Variants in PWWP2B observed in about 807,000 individuals in gnomAD.
PWWP2B encodes PWWP domain-containing protein 2B.
In PWWP2B, 9 loss-of-function variants were observed where a neutral mutation model predicts 15.5. That is an observed-to-expected ratio of 0.58 (90% CI 0.35 to 1.02). The LOEUF (loss-of-function observed/expected upper bound fraction) is 1.02. Ranked by LOEUF, PWWP2B falls within the 50% of genes least tolerant of loss-of-function variation. The probability of loss-of-function intolerance (pLI) is 0.02; values close to 1 mark genes in which losing one functional copy is unlikely to be tolerated. For missense variants in PWWP2B, 864 were observed against 865.3 expected, an observed-to-expected ratio of 1.00 and a Z score of 0.02; for synonymous variants, 474 against 403.6, an observed-to-expected ratio of 1.17 and a Z score of -2.09.
chr10:132,408,320 G>A (rs1389331659), intron 2 of PWWP2B, among the ~76,000 whole-genome samples: 2 of 152,256 alleles, frequency 1.3e-5, no homozygotes, highest in African/African-American at 4.8e-5. Context: ...GGTGGTCCTT[G>A]AGGGACACGT....
intron 1 of PWWP2B, among the ~76,000 whole-genome samples, chr10:132,399,908 G>GTA (rs1472421262): frequency 6.6e-6 from 1 of 152,212 alleles, no homozygotes; most frequent in Non-Finnish European, 1.5e-5. Context: ...CTCTGAGCTG[G>GTA]TATTTATCGG....
intron 1 of PWWP2B, among the ~76,000 whole-genome samples, chr10:132,403,722 C>G (rs1022176598): frequency 2.0e-5 from 3 of 152,254 alleles, no homozygotes; most frequent in African/African-American, 7.2e-5. Flanking sequence ...ATGAGAAGGC[C>G]TTTACAACTG....
chr10:132,407,835 G>A (rs2069720532), intron 2 of PWWP2B, among the ~76,000 whole-genome samples: 1 of 152,208 alleles, frequency 6.6e-6, no homozygotes. Flanking sequence ...TCAAGCCAGG[G>A]CACCATCTTC....
At chr10:132,413,573 C>T (rs749107336) in intron 2 of PWWP2B, among the ~76,000 whole-genome samples, 4 of 152,122 alleles carry the variant, frequency 2.6e-5, no homozygotes, top group South Asian at 2.1e-4. Flanking sequence ...TTTTAAAACC[C>T]ACTGTGTTAG....
Position 132,412,924 on chromosome 10 carries a change from T to C in PWWP2B, c.*17-4137T>C, listed in dbSNP as rs369339775. On this transcript the variant is annotated intron_variant, in intron 2 of 2. Transcript: ENST00000305233. ...ATCCACACAAGTGCTATTCTTTCCATGCTCAGACGGTGCCATCTTGGGTCA... is the reference window on the plus strand; with the variant it reads ...ATCCACACAAGTGCTATTCTTTCCACGCTCAGACGGTGCCATCTTGGGTCA... 3.9e-5 allele frequency among the ~76,000 whole-genome samples: 6 copies of C among 152,390 alleles called. No homozygotes were observed. In the East Asian group the frequency reaches 9.6e-4, roughly 24 times the overall value.
intron 2 of PWWP2B, among the ~76,000 whole-genome samples, chr10:132,416,630 G>T (rs950544358): frequency 3.3e-5 from 5 of 152,056 alleles, no homozygotes; most frequent in Non-Finnish European, 4.4e-5. Context: ...TGGTGGAGGG[G>T]GCTTGGGGCT....
Position 132,408,950 on chromosome 10 carries a change from G to T in PWWP2B, c.*16+2661G>T, listed in dbSNP as rs376918360. On this transcript the variant is annotated intron_variant, in intron 2 of 2. Transcript: ENST00000305233. ...GCCTCAGCAGGGGCCGCGCCAGGACGCATGGCTGTGACACACTTGGGCACC... is the reference window on the plus strand; with the variant it reads ...GCCTCAGCAGGGGCCGCGCCAGGACTCATGGCTGTGACACACTTGGGCACC... Among the ~76,000 whole-genome samples, 34 of 152,334 alleles carry T rather than the reference G, an allele frequency of 2.2e-4. No homozygotes were observed. The East Asian group carries it at 4.1e-3, about 18-fold the overall frequency.
rs564734868 is a variant in PWWP2B, at chr10:132,406,349, G to A, written c.*16+60G>A. On this transcript the variant is annotated intron_variant, in intron 2 of 2. Coordinates refer to ENST00000305233, the MANE Select transcript of PWWP2B (RefSeq NM_138499.4). ...CGGCCCAAGCTCACACCTGTGTCCA[G>A]GCCATGCCTCTGCTCCGGGCCCTGA... The A allele has an allele frequency of 1.7e-5, 23 of 1,388,212 alleles. No individual in the cohort carries two copies. The African/African-American group carries it at 2.9e-4, about 17-fold the overall frequency. The allele number at this position is 1,388,212 out of a possible 1,614,324, so 86.0% of individuals were successfully genotyped here.
intron 1 of PWWP2B, among the ~76,000 whole-genome samples, chr10:132,404,135 C>G (rs61192738): frequency 0.54 from 81,756 of 150,874 alleles, 22,584 homozygotes; most frequent in African/African-American, 0.63. Flanking sequence ...GGGGTTGAAG[C>G]GTTGCCTGGC....
chr10:132,413,217 G>T (rs776806076), intron 2 of PWWP2B, among the ~76,000 whole-genome samples: 1 of 152,226 alleles, frequency 6.6e-6, no homozygotes, highest in Non-Finnish European at 1.5e-5. Context: ...TTTTATAGAT[G>T]TAAAGGTTAA....
At chr10:132,410,869 G>A (rs557484331) in intron 2 of PWWP2B, among the ~76,000 whole-genome samples, 1 of 152,334 alleles carries the variant, frequency 6.6e-6, no homozygotes, top group Admixed American at 6.5e-5. Flanking sequence ...CTTCCAGACA[G>A]TGCAGGCTGG....
intron 1 of PWWP2B, among the ~76,000 whole-genome samples, chr10:132,399,858 G>A (rs550985864): frequency 3.7e-4 from 57 of 152,326 alleles, no homozygotes; most frequent in Middle Eastern, 6.8e-3. Context: ...CTCCGAGTGC[G>A]GAAGGGCTGG....
At chr10:132,416,948 G>A (rs528465100) in intron 2 of PWWP2B, 113 bp from the exon 3 acceptor site, 21 of 1,126,966 alleles carry the variant, frequency 1.9e-5, no homozygotes, top group South Asian at 5.2e-5. Flanking sequence ...TGGAGGTCCC[G>A]GGTGAGCCTC....
At position 132,404,679 on chromosome 10, in the gene PWWP2B, C is replaced by T. The variant is rs763169899; in HGVS notation, c.179C>T (p.Ser60Phe). The T allele has an allele frequency of 1.2e-6, 2 of 1,612,738 alleles. No individual in the cohort carries two copies. The highest frequency in any genetic ancestry group is 1.3e-5 in the African/African-American group (1 of 75,010). The change falls in exon 2 of 3, where the codon TCC (serine) becomes TTC (phenylalanine). Residue 60 changes from serine to phenylalanine, a missense_variant. Transcript: ENST00000305233. Reference sequence around the variant, plus strand: ...GCTCCGCTGCCCCAGGTCGATGAGTCCCCTGTCAACGACAGCCATGGCCGG... The same window carrying T: ...GCTCCGCTGCCCCAGGTCGATGAGTTCCCTGTCAACGACAGCCATGGCCGG... ...PLAPLPQVDE[S>F]PVNDSHGRAP...
Position 132,405,123 on chromosome 10 carries a change from C to T in PWWP2B, c.623C>T (p.Pro208Leu), listed in dbSNP as rs748633789. 32 of 1,542,142 alleles carry T rather than the reference C, an allele frequency of 2.1e-5. No homozygotes were observed. Among genetic ancestry groups the T allele is most frequent in the Non-Finnish European group, 2.4e-5 (28 of 1,143,678 alleles). ...GCCCGCAGGAGGCTGGGCAGCGGCC[C>T]GGACAGGGAGCTCCGCAAGCCGGAG... ...PRARRRLGSG[P>L]DRELRKPEEP... is the part of the protein sequence containing the mutation. Residue 208 changes from proline (P) to leucine (L), a missense_variant, in exon 2 of 3, where the codon CCG becomes CTG. Physicochemically the swap from Pro to Leu is moderately conservative, Grantham distance 98 (BLOSUM62 -3). This residue lies in a region of PWWP2B where 736 missense variants were observed against 687.7 expected (regional missense o/e 1.07). Coordinates refer to ENST00000305233, the MANE Select transcript of PWWP2B (RefSeq NM_138499.4).
chr10:132,405,463 T>A lies in PWWP2B; in HGVS notation c.963T>A (p.Pro321=). 4 of 1,607,114 alleles carry A rather than the reference T, an allele frequency of 2.5e-6. No individual in the cohort carries two copies. Among genetic ancestry groups the A allele is most frequent in the Non-Finnish European group, 3.4e-6 (4 of 1,179,394 alleles). ...TCCCCAAGTTGAAACTGACACGGCC[T>A]GTGCCGGCCGGCGCGGACCTGCCGC... The part of the protein sequence containing the change: ...ASIPKLKLTR[P]VPAGADLPPP... The change falls in exon 2 of 3, where the codon CCT becomes CCA. Residue 321 remains proline, a synonymous_variant. Transcript: ENST00000305233.
At chr10:132,415,738 CAT>C (rs2069844809) in intron 2 of PWWP2B, among the ~76,000 whole-genome samples, 1 of 151,584 alleles carries the variant, frequency 6.6e-6, no homozygotes, top group Non-Finnish European at 1.5e-5. Flanking sequence ...CACTCACACA[CAT>C]CCACACACAC....
At chr10:132,399,908 G>T (rs1424291295) in intron 1 of PWWP2B, among the ~76,000 whole-genome samples, 3 of 152,212 alleles carry the variant, frequency 2.0e-5, no homozygotes, top group African/African-American at 7.2e-5. Flanking sequence ...CTCTGAGCTG[G>T]TATTTATCGG....
At chr10:132,414,201 G>A (rs1048281828) in intron 2 of PWWP2B, among the ~76,000 whole-genome samples, 7 of 152,222 alleles carry the variant, frequency 4.6e-5, no homozygotes, top group East Asian at 1.9e-4. Flanking sequence ...CGAAGGGCCC[G>A]TCCAGGCTGT....
Sources: allele counts gnomAD v4.1 joint callset (sites outside exome capture counted in the v4.1 genomes callset), GRCh38; gene constraint gnomAD v4.1.1; regional missense constraint gnomAD v4.1.1; transcripts MANE v1.5; gene names NCBI Gene and HGNC (gene_info 2026-07-23, HGNC 2026-07-21).